The following RIMKLB variants were observed in gnomAD, a reference collection of about 807,000 sequenced individuals.
RIMKLB encodes beta-citrylglutamate synthase B.
RIMKLB carries 7 observed loss-of-function variants against 32.0 expected under a neutral mutation model. The ratio of observed to expected loss-of-function variants is 0.22; its 90% CI spans 0.12 to 0.41. RIMKLB has a LOEUF of 0.41. RIMKLB is among the 10% of genes least tolerant of loss of function. The pLI, the probability that RIMKLB is intolerant of heterozygous loss-of-function variation, is 1.00. For synonymous variants in RIMKLB, 172 were observed against 185.1 expected (o/e 0.93, Z 0.57); for missense variants, 289 against 498.7 (o/e 0.58, Z 4.00).
At chr12:8,770,653 A>G (rs1215961924) in intron 5 of RIMKLB, among the ~76,000 whole-genome samples, 1 of 152,122 alleles carries the variant, frequency 6.6e-6, no homozygotes, top group African/African-American at 2.4e-5. Context: ...AATACACTCA[A>G]AGTGCTTTTT....
chr12:8,766,766 T>C (rs1303824012), intron 5 of RIMKLB, among the ~76,000 whole-genome samples: 1 of 152,236 alleles, frequency 6.6e-6, no homozygotes, highest in African/African-American at 2.4e-5. Flanking sequence ...TTAAATCCCC[T>C]GTTAGGAAAT....
At chr12:8,730,252 A>ATTATT (rs1449539707) in intron 2 of RIMKLB, among the ~76,000 whole-genome samples, 1 of 152,122 alleles carries the variant, frequency 6.6e-6, no homozygotes, top group Non-Finnish European at 1.5e-5. Context: ...CATCCGGCTA[A>ATTATT]TTATTTTATT....
intron 1 of RIMKLB, among the ~76,000 whole-genome samples, chr12:8,705,438 C>T (rs1336669041): frequency 6.9e-6 from 1 of 145,788 alleles, no homozygotes; most frequent in South Asian, 2.2e-4. Context: ...GATCACGTCA[C>T]TGTACTCCAG....
chr12:8,780,134 G>A (rs1950946269), downstream of RIMKLB: 1 of 152,304 alleles, frequency 6.6e-6, no homozygotes, highest in East Asian at 1.9e-4. Flanking sequence ...AACACCCTTA[G>A]TTTCTAGAAT....
chr12:8,729,436 A>C (rs1385246742), intron 2 of RIMKLB, among the ~76,000 whole-genome samples: 1 of 151,748 alleles, frequency 6.6e-6, no homozygotes, highest in Admixed American at 6.6e-5. Context: ...GTCCCTCTGA[A>C]GTCAGGCTGC....
chr12:8,699,288 C>T (rs1333489917), intron 1 of RIMKLB, among the ~76,000 whole-genome samples: 2 of 151,816 alleles, frequency 1.3e-5, no homozygotes, highest in African/African-American at 4.8e-5. Flanking sequence ...TTGGTATGTT[C>T]ATTATATTTA....
chr12:8,697,013 TC>T (rs1347647990), upstream of RIMKLB, among the ~76,000 whole-genome samples: 1 of 152,236 alleles, frequency 6.6e-6, no homozygotes, highest in Non-Finnish European at 1.5e-5. Flanking sequence ...ACATTCATAT[TC>T]TTAGCCTCCT....
chr12:8,747,543 C>G (rs1303761545), intron 2 of RIMKLB, among the ~76,000 whole-genome samples: 1 of 152,100 alleles, frequency 6.6e-6, no homozygotes, highest in Non-Finnish European at 1.5e-5. Context: ...CACTAGAAAG[C>G]TTCTTGAGAG....
At chr12:8,723,024 T>A (rs908607564) in intron 2 of RIMKLB, among the ~76,000 whole-genome samples, 1 of 152,264 alleles carries the variant, frequency 6.6e-6, no homozygotes, top group African/African-American at 2.4e-5. Flanking sequence ...TGCTTTCTTA[T>A]CATTCATGTG....
At chr12:8,744,361 C>A (rs1442523372) in intron 2 of RIMKLB, among the ~76,000 whole-genome samples, 1 of 151,826 alleles carries the variant, frequency 6.6e-6, no homozygotes, top group Non-Finnish European at 1.5e-5. Context: ...TAGAGCACTC[C>A]CATTTTCCGG....
the RIMKLB span, among the ~76,000 whole-genome samples, chr12:8,674,491 G>A: frequency 0.029 from 4,322 of 150,228 alleles, 184 homozygotes; most frequent in African/African-American, 0.089. Context: ...CGCCTGCCTC[G>A]GCCTCCCAAA....
intron 2 of RIMKLB, among the ~76,000 whole-genome samples, chr12:8,718,674 T>TGG (rs1945135148): frequency 2.6e-5 from 2 of 77,158 alleles, no homozygotes; most frequent in African/African-American, 4.3e-5. Flanking sequence ...TATATATGTG[T>TGG]GTGTGTGTGT....
At chr12:8,691,150 C>T (rs1942719253) in intron 1 of RIMKLB, among the ~76,000 whole-genome samples, 1 of 152,018 alleles carries the variant, frequency 6.6e-6, no homozygotes, top group African/African-American at 2.4e-5. Flanking sequence ...TTCTGCGAAA[C>T]AATACGAAAG....
chr12:8,759,884 T>C (rs1056998399), intron 5 of RIMKLB, among the ~76,000 whole-genome samples: 1 of 152,228 alleles, frequency 6.6e-6, no homozygotes, highest in African/African-American at 2.4e-5. Context: ...AGAGATTCTA[T>C]TAGAGTGTTT....
chr12:8,720,319 G>T lies in RIMKLB; in HGVS notation c.175+6278G>T, dbSNP rs77376255. Among the ~76,000 whole-genome samples, 134 of 152,262 alleles carry T rather than the reference G, an allele frequency of 8.8e-4. 1 individual carries two copies. In the East Asian group the frequency reaches 0.017, roughly 19 times the overall value. On this transcript the variant is annotated intron_variant, in intron 2 of 5. Coordinates refer to ENST00000535829, the MANE Select transcript of RIMKLB (RefSeq NM_001297776.2). ...TGATGGGTAAAAGACCTAATTAAAA[G>T]GTACAAAGTTGGATTCATACTTTTG...
At chr12:8,722,392 T>G (rs1945541020) in intron 2 of RIMKLB, among the ~76,000 whole-genome samples, 1 of 152,114 alleles carries the variant, frequency 6.6e-6, no homozygotes, top group Non-Finnish European at 1.5e-5. Flanking sequence ...TTCTGAGTAG[T>G]AGGTCTCAAC....
intron 2 of RIMKLB, among the ~76,000 whole-genome samples, chr12:8,747,348 C>T (rs192024664): frequency 1.2e-4 from 18 of 152,192 alleles, no homozygotes; most frequent in East Asian, 9.6e-4. Context: ...ATTTTTGCCC[C>T]GTGATTTATG....
At chr12:8,696,333 A>T (rs6487333), upstream of RIMKLB, among the ~76,000 whole-genome samples, 34,736 of 152,058 alleles carry the variant, frequency 0.23, 4,185 homozygotes, top group Non-Finnish European at 0.26. Flanking sequence ...AATAGCAACA[A>T]TTTAGTTCTG....
In RIMKLB at chr12:8,774,383, A is replaced by T. The variant is rs1193296138; in HGVS notation, c.*599A>T. 2.0e-6 allele frequency: 2 copies of T among 985,736 alleles called. No homozygotes were observed. The highest frequency in any genetic ancestry group is 6.1e-5 in the Admixed American group (1 of 16,280). The allele number at this position is 985,736 out of a possible 1,614,324, so 61.1% of individuals were successfully genotyped here. On this transcript the variant is annotated 3_prime_UTR_variant, in exon 6 of 6. Coordinates refer to ENST00000535829, the MANE Select transcript of RIMKLB (RefSeq NM_001297776.2). ...GGGAGGTCAAATTGAATATAACCCA[A>T]TAAAGGCTTCTTAATGACAAAATTG... is the stretch of plus-strand genomic sequence containing the variant.
Sources: gnomAD v4.1 joint callset for allele counts (sites outside exome capture counted in the v4.1 genomes callset) on GRCh38, gnomAD v4.1.1 for gene constraint, MANE v1.5 for transcripts, NCBI Gene and HGNC (gene_info 2026-07-23, HGNC 2026-07-21) for gene names.